The following DEPDC1B variants were observed in gnomAD, a reference collection of about 807,000 sequenced individuals.
The protein encoded by DEPDC1B is DEP domain-containing protein 1B.
In DEPDC1B, 51 loss-of-function variants were observed where a neutral mutation model predicts 66.5. The ratio of observed to expected loss-of-function variants is 0.77; its 90% CI spans 0.61 to 0.97. The LOEUF (loss-of-function observed/expected upper bound fraction) is 0.97. Ranked by LOEUF, DEPDC1B falls within the 50% of genes least tolerant of loss-of-function variation. DEPDC1B has a pLI of 0.00. For synonymous variants in DEPDC1B, 226 were observed against 223.6 expected (o/e 1.01, Z -0.10); for missense variants, 552 against 637.1 (o/e 0.87, Z 1.44).
intron 7 of DEPDC1B, among the ~76,000 whole-genome samples, chr5:60,623,296 A>G (rs1417866154): frequency 3.3e-5 from 5 of 152,146 alleles, no homozygotes; most frequent in African/African-American, 1.2e-4. Context: ...ACATGAATCT[A>G]CTATTGGACC....
chr5:60,664,790 G>A (rs1241696837), intron 2 of DEPDC1B, among the ~76,000 whole-genome samples: 1 of 152,144 alleles, frequency 6.6e-6, no homozygotes, highest in Non-Finnish European at 1.5e-5. Flanking sequence ...AGAGTTAGGA[G>A]AAGGAAAAAG....
Position 60,644,691 on chromosome 5 carries a change from T to C in DEPDC1B, c.709+54A>G, listed in dbSNP as rs1239746985. 8.1e-6 allele frequency: 12 copies of C among 1,478,294 alleles called. No individual in the cohort carries two copies. The African/African-American group carries it at 8.5e-5, about 11-fold the overall frequency. The allele number at this position is 1,478,294 out of a possible 1,614,324, so 91.6% of individuals were successfully genotyped here. A position where few individuals can be genotyped will look rare whatever the true frequency, so the allele number is the denominator to read the frequency against. On this transcript the variant is annotated intron_variant, in intron 5 of 10. Transcript: ENST00000265036. ...AGGGTCAGAAAGGAGCTGATGGACC[T>C]GTGCAGCCAATATATTATGTCAATA...
At chr5:60,672,299 G>T in intron 2 of DEPDC1B, among the ~76,000 whole-genome samples, 1 of 152,148 alleles carries the variant, frequency 6.6e-6, no homozygotes, top group East Asian at 1.9e-4. Context: ...TTTCACACTG[G>T]TATAAAGAAC....
chr5:60,602,387 T>A (rs973116734), intron 9 of DEPDC1B, among the ~76,000 whole-genome samples: 1 of 152,234 alleles, frequency 6.6e-6, no homozygotes, highest in African/African-American at 2.4e-5. Flanking sequence ...GAAAAAATTT[T>A]AATTTTAAAA....
At chr5:60,665,534 C>T (rs948707553) in intron 2 of DEPDC1B, among the ~76,000 whole-genome samples, 4 of 152,186 alleles carry the variant, frequency 2.6e-5, no homozygotes, top group Non-Finnish European at 4.4e-5. Context: ...ACCCCTGGAC[C>T]GGCCTGCTAG....
Position 60,699,443 on chromosome 5 carries a change from G to GAAAAAAAAAAAAAAAAAAAAAAAA in DEPDC1B, c.48+602_48+603insTTTTTTTTTTTTTTTTTTTTTTTT, listed in dbSNP as rs528758437. Among the ~76,000 whole-genome samples, 7 of 89,380 alleles carry GAAAAAAAAAAAAAAAAAAAAAAAA rather than the reference G, an allele frequency of 7.8e-5. 1 individual carries two copies. The highest frequency in any genetic ancestry group is 2.2e-4 in the African/African-American group (4 of 18,168). 58.6% of individuals were successfully genotyped at this position (89,380 alleles called of 152,430 possible). On this transcript the variant is annotated intron_variant, in intron 1 of 10. Transcript: ENST00000265036. Reference sequence around the variant, plus strand: ...CCTCAATACCAAAGCTTTTCTCCCAGAAAAAAAAAAAAAAAAAAACAGGAA... The same window carrying GAAAAAAAAAAAAAAAAAAAAAAAA: ...CCTCAATACCAAAGCTTTTCTCCCAGAAAAAAAAAAAAAAAAAAAAAAAAAAAAAAAAAAAAAAAAAAACAGGAA...
At chr5:60,660,719 A>C (rs1368574761) in intron 2 of DEPDC1B, among the ~76,000 whole-genome samples, 2 of 152,220 alleles carry the variant, frequency 1.3e-5, no homozygotes. Flanking sequence ...AAAAATCTTA[A>C]AGTATGGGGC....
chr5:60,650,838 C>T (rs1753435554), intron 2 of DEPDC1B, among the ~76,000 whole-genome samples: 1 of 152,162 alleles, frequency 6.6e-6, no homozygotes, highest in African/African-American at 2.4e-5. Context: ...GGCAGAATGT[C>T]TTTCTCTACC....
intron 1 of DEPDC1B, among the ~76,000 whole-genome samples, chr5:60,696,222 A>G (rs1172792457): frequency 6.6e-6 from 1 of 152,222 alleles, no homozygotes; most frequent in Non-Finnish European, 1.5e-5. Flanking sequence ...AAAAAAATCC[A>G]TTAGGATTCA....
chr5:60,662,293 C>T (rs113059102), intron 2 of DEPDC1B, among the ~76,000 whole-genome samples: 1,892 of 152,036 alleles, frequency 0.012, 15 homozygotes, highest in Non-Finnish European at 0.02. Flanking sequence ...GAGGCTGAGG[C>T]GGGAGAATGG....
At chr5:60,618,503 T>C (rs1474242428) in intron 7 of DEPDC1B, among the ~76,000 whole-genome samples, 4 of 152,106 alleles carry the variant, frequency 2.6e-5, no homozygotes, top group East Asian at 3.9e-4. Context: ...GAGAATACTA[T>C]AAACACCTCT....
At chr5:60,689,974 G>C (rs986981333) in intron 1 of DEPDC1B, among the ~76,000 whole-genome samples, 4 of 152,192 alleles carry the variant, frequency 2.6e-5, no homozygotes, top group African/African-American at 9.7e-5. Flanking sequence ...AGGATCACTT[G>C]AGCCTGGGAG....
At chr5:60,620,667 T>C (rs1236574464) in intron 7 of DEPDC1B, among the ~76,000 whole-genome samples, 2 of 152,110 alleles carry the variant, frequency 1.3e-5, no homozygotes, top group South Asian at 2.1e-4. Context: ...TGTGGAGAAA[T>C]AGGAATGCTT....
rs116390606 is a variant in DEPDC1B, at chr5:60,689,946, C to T, written c.49-2719G>A. 3.1e-3 allele frequency among the ~76,000 whole-genome samples: 477 copies of T among 152,042 alleles called. 3 individuals carry two copies. Among genetic ancestry groups the T allele is most frequent in the African/African-American group, 9.9e-3 (412 of 41,468 alleles). ...AGCTGCAGCTACTTGGCAGACTGAG[C>T]GGGGAGGCTGAAGTGGGAGGATCAC... On this transcript the variant is annotated intron_variant, in intron 1 of 10. Transcript: ENST00000265036.
At chr5:60,643,794 CTTAT>C (rs1393890533) in intron 5 of DEPDC1B, among the ~76,000 whole-genome samples, 1 of 152,150 alleles carries the variant, frequency 6.6e-6, no homozygotes, top group African/African-American at 2.4e-5. Flanking sequence ...TCACCACAAA[CTTAT>C]TTGTCTCTCA....
intron 1 of DEPDC1B, chr5:60,687,872 C>T: frequency 5.4e-6 from 1 of 185,562 alleles, no homozygotes; most frequent in South Asian, 7.0e-5. Flanking sequence ...AAAGAAAATG[C>T]AGCTTTTCAA....
At chr5:60,690,637 A>G (rs1180991823) in intron 1 of DEPDC1B, among the ~76,000 whole-genome samples, 1 of 152,212 alleles carries the variant, frequency 6.6e-6, no homozygotes, top group Non-Finnish European at 1.5e-5. Context: ...CTGTCACTTT[A>G]TAAACTCCGA....
Position 60,645,630 on chromosome 5 carries a change from G to A in DEPDC1B, c.451-11C>T. ...CCACATCTCAGAATTCTAATGGAGG[G>A]GGGATGTAAGAAGGGAGGGAAGGAG... On this transcript the variant is annotated splice_polypyrimidine_tract_variant and intron_variant, in intron 3 of 10. Coordinates refer to ENST00000265036, the MANE Select transcript of DEPDC1B (RefSeq NM_018369.3). 2 of 1,600,746 alleles carry A rather than the reference G, an allele frequency of 1.2e-6. No homozygotes were observed. The highest frequency in any genetic ancestry group is 1.7e-6 in the Non-Finnish European group (2 of 1,173,912).
intron 2 of DEPDC1B, 148 bp from the exon 3 acceptor site, chr5:60,647,681 A>T: frequency 1.4e-6 from 1 of 715,276 alleles, no homozygotes. Flanking sequence ...AATTTTTTAA[A>T]CTGCTCTATA....
Sources: gnomAD v4.1 joint callset for allele counts (sites outside exome capture counted in the v4.1 genomes callset) on GRCh38, gnomAD v4.1.1 for gene constraint, MANE v1.5 for transcripts, NCBI Gene and HGNC (gene_info 2026-07-23, HGNC 2026-07-21) for gene names.